The following WRN variants were observed in gnomAD, a reference collection of about 807,000 sequenced individuals.
WRN encodes the protein bifunctional 3'-5' exonuclease/ATP-dependent helicase WRN.
WRN carries 149 observed loss-of-function variants against 180.7 expected under a neutral mutation model. The ratio of observed to expected loss-of-function variants is 0.82; its 90% confidence interval spans 0.72 to 0.94. The LOEUF (loss-of-function observed/expected upper bound fraction) is 0.94, where lower values mean the gene tolerates loss of function less well. WRN is among the 40% of genes least tolerant of loss of function. The pLI is 0.00. For synonymous variants in WRN, 548 were observed against 568.9 expected (o/e 0.96, Z 0.52); for missense variants, 1,661 against 1,700.1 (o/e 0.98, Z 0.40).
chr8:31,168,470 C>T (rs1375812327), intron 34 of WRN, among the ~76,000 whole-genome samples: 12 of 132,646 alleles, frequency 9.0e-5, no homozygotes, highest in East Asian at 2.3e-4. Context: ...TAACATTTTT[C>T]GCTATTTCAG....
Position 31,081,021 on chromosome 8 carries a change from C to T in WRN, c.994C>T (p.Gln332Ter), listed in dbSNP as rs1374026497. ...DSTTGGVQQK[Q>*]IREHEVLIHV... ...AACTACTGGGGGAGTACAACAGAAA[C>T]AAATTAGAGAACATGAAGTTTTAAT... The change falls in exon 9 of 35, where the codon CAA becomes TAA. Residue 332 changes from glutamine to a stop codon, truncating the protein, a stop_gained. Coordinates refer to ENST00000298139, the MANE Select transcript of WRN (RefSeq NM_000553.6). LOFTEE classifies it high-confidence loss of function. 6.2e-7 allele frequency: 1 copy of T among 1,613,720 alleles called. No individual in the cohort carries two copies. Among genetic ancestry groups the T allele is most frequent in the Non-Finnish European group, 8.5e-7 (1 of 1,179,952 alleles).
At chr8:31,081,319 A>G (rs1813303791) in intron 9 of WRN, 23 bp downstream of exon 9, 1 of 1,610,980 alleles carries the variant, frequency 6.2e-7, no homozygotes, top group Admixed American at 1.7e-5. Flanking sequence ...GAGGAAGCAC[A>G]TTTTTAGTTA....
intron 18 of WRN, among the ~76,000 whole-genome samples, chr8:31,108,745 G>A (rs1801190516): frequency 6.6e-6 from 1 of 152,108 alleles, no homozygotes; most frequent in African/African-American, 2.4e-5. Flanking sequence ...TGGTTGTGGG[G>A]CCGGAGGGTA....
intron 23 of WRN, among the ~76,000 whole-genome samples, chr8:31,126,879 C>A (rs576289940): frequency 9.7e-4 from 148 of 152,122 alleles, no homozygotes; most frequent in Admixed American, 1.8e-3. Context: ...AGACCAATAC[C>A]AGGAATGAAA....
chr8:31,061,807 T>A (rs2130019065), intron 3 of WRN, among the ~76,000 whole-genome samples: 1 of 152,326 alleles, frequency 6.6e-6, no homozygotes, highest in South Asian at 2.1e-4. Context: ...TTAATGCCTC[T>A]TACCTTTGTG....
In WRN at chr8:31,081,109, A is replaced by T; in HGVS notation, c.1082A>T (p.Asp361Val). ...CATTTAGCTAAACATGATGGAGAAG[A>T]TGTACTTGGAAATAAAGTGGAACGA... is the stretch of plus-strand genomic sequence containing the variant. ...LDHLAKHDGE[D>V]VLGNKVERKE... The change falls in exon 9 of 35, where the codon GAT becomes GTT. Residue 361 changes from aspartate (D) to valine (V), a missense_variant. Asp to Val is a radical substitution (Grantham distance 152). Transcript: ENST00000298139. 1 of 1,614,090 alleles carries T rather than the reference A, an allele frequency of 6.2e-7. No homozygotes were observed.
At chr8:31,134,002 T>C (rs1277395635) in intron 24 of WRN, among the ~76,000 whole-genome samples, 1 of 152,212 alleles carries the variant, frequency 6.6e-6, no homozygotes, top group Non-Finnish European at 1.5e-5. Flanking sequence ...CCACTTACAC[T>C]GACAGTCTCT....
intron 3 of WRN, among the ~76,000 whole-genome samples, chr8:31,060,237 C>CT (rs1812438669): frequency 6.6e-6 from 1 of 151,904 alleles, no homozygotes; most frequent in African/African-American, 2.4e-5. Flanking sequence ...TTATACCTGT[C>CT]TTTTAAAAAA....
chr8:31,118,079 A>C (rs556277258), intron 20 of WRN, among the ~76,000 whole-genome samples: 4 of 152,278 alleles, frequency 2.6e-5, no homozygotes, highest in Admixed American at 2.6e-4. Flanking sequence ...AGAACATGAA[A>C]GAATACAAAC....
At chr8:31,137,139 A>C (rs1352394985) in intron 24 of WRN, among the ~76,000 whole-genome samples, 1 of 151,280 alleles carries the variant, frequency 6.6e-6, no homozygotes, top group African/African-American at 2.4e-5. Flanking sequence ...AAACAAAGAT[A>C]CTCTGCTTTA....
At position 31,111,753 on chromosome 8, in the gene WRN, AC is replaced by A; in HGVS notation, c.2228del (p.Thr743LysfsTer34). On this transcript the variant is annotated frameshift_variant, in exon 19 of 35. Transcript: ENST00000298139. LOFTEE classifies it high-confidence loss of function. ...PNLYLEVRRK[T>X]GNILQDLQPF... is the part of the protein sequence containing the mutation. ...CCTGTATTTAGAAGTTAGGCGAAAAACAGGGAATATCCTTCAGGATCTGCAG... is the reference window on the plus strand; with the variant it reads ...CCTGTATTTAGAAGTTAGGCGAAAAAAGGGAATATCCTTCAGGATCTGCAG... 6.2e-7 allele frequency: 1 copy of A among 1,614,110 alleles called. No individual in the cohort carries two copies. The highest frequency in any genetic ancestry group is 8.5e-7 in the Non-Finnish European group (1 of 1,180,010).
At position 31,091,694 on chromosome 8, in the gene WRN, TAGTA is replaced by T. The variant is rs367832767; in HGVS notation, c.1830-132_1830-129del. 146 of 843,046 alleles carry T rather than the reference TAGTA, an allele frequency of 1.7e-4. No individual in the cohort carries two copies. In the African/African-American group the frequency reaches 2.2e-3, roughly 13 times the overall value. 52.2% of individuals were successfully genotyped at this position (843,046 alleles called of 1,614,324 possible). A position where few individuals can be genotyped will look rare whatever the true frequency, so the allele number is the denominator to read the frequency against. ...CCTTGAAGGAATTTGCTTATCAAGT[TAGTA>T]AGTGACAAAAAAGAAAATTGCAAAG... On this transcript the variant is annotated intron_variant, in intron 15 of 34. Coordinates refer to ENST00000298139, the MANE Select transcript of WRN (RefSeq NM_000553.6).
intron 18 of WRN, among the ~76,000 whole-genome samples, chr8:31,110,337 A>T (rs1302285606): frequency 2.6e-5 from 4 of 152,190 alleles, no homozygotes; most frequent in Non-Finnish European, 4.4e-5. Flanking sequence ...AATCAATGAA[A>T]TTAATTTTGG....
intron 9 of WRN, among the ~76,000 whole-genome samples, chr8:31,082,983 AT>A (rs1013249843): frequency 8.6e-5 from 13 of 152,008 alleles, no homozygotes; most frequent in Non-Finnish European, 1.8e-4. Flanking sequence ...CTTATTTTCA[AT>A]TTTTTTTATT....
intron 24 of WRN, among the ~76,000 whole-genome samples, chr8:31,136,085 A>G (rs1238338566): frequency 6.6e-6 from 1 of 152,154 alleles, no homozygotes; most frequent in Non-Finnish European, 1.5e-5. Context: ...CAGCAGCCTC[A>G]AAGTTTCCAG....
intron 1 of WRN, among the ~76,000 whole-genome samples, chr8:31,057,552 C>T (rs1346322761): frequency 6.6e-6 from 1 of 152,018 alleles, no homozygotes; most frequent in Non-Finnish European, 1.5e-5. Flanking sequence ...GCCTGGGCGA[C>T]ACAGCAAGAC....
At chr8:31,067,218 T>C in intron 6 of WRN, 36 bp downstream of exon 6, 2 of 1,610,212 alleles carry the variant, frequency 1.2e-6, no homozygotes, top group Non-Finnish European at 1.7e-6. Context: ...TTGTGATGTG[T>C]TTTAAAAACA....
At chr8:31,172,363 C>T (rs184135989) in intron 34 of WRN, among the ~76,000 whole-genome samples, 6 of 152,150 alleles carry the variant, frequency 3.9e-5, no homozygotes, top group Admixed American at 1.3e-4. Flanking sequence ...CTCTTTGGCA[C>T]GTGAGCTGCT....
At chr8:31,065,786 T>G (rs1270172149) in intron 5 of WRN, among the ~76,000 whole-genome samples, 1 of 152,238 alleles carries the variant, frequency 6.6e-6, no homozygotes, top group African/African-American at 2.4e-5. Context: ...CAAATGGTAT[T>G]TCTTTCTTTA....
Sources: allele counts gnomAD v4.1 joint callset (sites outside exome capture counted in the v4.1 genomes callset), GRCh38; gene constraint gnomAD v4.1.1; transcripts MANE v1.5; gene names NCBI Gene and HGNC (gene_info 2026-07-23, HGNC 2026-07-21).